The following HEATR4 variants were observed in gnomAD, a reference collection of about 807,000 sequenced individuals.
HEATR4 encodes the protein HEAT repeat containing 4, also known as HEAT repeat-containing protein 4.
In HEATR4, 95 loss-of-function variants were observed where a neutral mutation model predicts 108.8. The ratio of observed to expected loss-of-function variants is 0.87; its 90% CI spans 0.74 to 1.04. The LOEUF (loss-of-function observed/expected upper bound fraction) is 1.04. Among genes scored for constraint, HEATR4 ranks in the 50% least tolerant of loss-of-function variants. HEATR4 has a pLI of 0.00. For missense variants in HEATR4, 1,152 were observed against 1,253.8 expected, an observed-to-expected ratio of 0.92 and a Z score of 1.23; for synonymous variants, 443 against 459.4, an observed-to-expected ratio of 0.96 and a Z score of 0.46.
chr14:73,522,307 C>G lies in HEATR4; in HGVS notation c.846G>C (p.Lys282Asn), dbSNP rs372011420. The G allele has an allele frequency of 3.5e-5, 56 of 1,613,886 alleles. No individual in the cohort carries two copies. The highest frequency in any genetic ancestry group is 4.0e-5 in the Non-Finnish European group (47 of 1,180,040). ...CGGGAAGCAGCAGTTCTGGCTTCTT[C>G]TTTTCCTGTGGGGGCAGGATGACAC... ...DQSVILPPQE[K>N]KKPELLLPVY... is the part of the protein sequence containing the mutation. The change falls in exon 3 of 18, where the codon AAG becomes AAC. Residue 282 changes from lysine (K) to asparagine (N), a missense_variant. Physicochemically the swap from Lys to Asn is moderately conservative, Grantham distance 94 (BLOSUM62 0). Transcript: ENST00000553558.
At chr14:73,600,513 G>A in the HEATR4 span, among the ~76,000 whole-genome samples, 2 of 151,890 alleles carry the variant, frequency 1.3e-5, no homozygotes, top group East Asian at 3.9e-4. Context: ...GTGCAATGGC[G>A]TGATCTCAGC....
At chr14:73,615,025 G>A in the HEATR4 span, among the ~76,000 whole-genome samples, 7 of 148,206 alleles carry the variant, frequency 4.7e-5, no homozygotes, top group African/African-American at 1.3e-4. Flanking sequence ...GGGGGCAGAG[G>A]TTGCAGTGAG....
chr14:73,588,094 T>G, the HEATR4 span, among the ~76,000 whole-genome samples: 2 of 151,820 alleles, frequency 1.3e-5, no homozygotes, highest in Non-Finnish European at 2.9e-5. Context: ...CTCTGCCTCC[T>G]GGGTTCAAGC....
chr14:73,493,053 T>C lies in HEATR4; in HGVS notation c.2844+13A>G, dbSNP rs1885888804. ...GTTCTTACCTTGATAAGCATCAGTG[T>C]GCTCACATTTACCTTTATCACTGCT... On this transcript the variant is annotated intron_variant, in intron 17 of 17. Coordinates refer to ENST00000553558, the MANE Select transcript of HEATR4 (RefSeq NM_001220484.1). 6.2e-7 allele frequency: 1 copy of C among 1,611,020 alleles called. No individual in the cohort carries two copies. The highest frequency in any genetic ancestry group is 8.5e-7 in the Non-Finnish European group (1 of 1,178,468).
the HEATR4 span, chr14:73,573,694 C>G: frequency 7.6e-7 from 1 of 1,309,284 alleles, no homozygotes; most frequent in Non-Finnish European, 1.1e-6. Flanking sequence ...CATTCCCTAC[C>G]CCAACACACA....
chr14:73,482,121 C>T (rs560183822), intron 17 of HEATR4, among the ~76,000 whole-genome samples: 2 of 152,280 alleles, frequency 1.3e-5, no homozygotes, highest in South Asian at 2.1e-4. Flanking sequence ...CACACTGGCT[C>T]ACGCCTGTAA....
chr14:73,512,254 G>T, intron 6 of HEATR4, 105 bp from the exon 7 acceptor site: 1 of 1,284,752 alleles, frequency 7.8e-7, no homozygotes, highest in Non-Finnish European at 1.1e-6. Context: ...AATAATTCAA[G>T]CAAAACATTA....
the HEATR4 span, among the ~76,000 whole-genome samples, chr14:73,590,084 G>A: frequency 8.5e-5 from 13 of 152,262 alleles, no homozygotes; most frequent in South Asian, 4.1e-4. Context: ...TTCCCGCAAC[G>A]TAGAAAAGAA....
chr14:73,506,804 G>GTTTTTTTTTTTTTTTTTTTT (rs34660727), intron 9 of HEATR4, among the ~76,000 whole-genome samples: 923 of 80,468 alleles, frequency 0.011, 162 homozygotes, highest in Middle Eastern at 0.042. Flanking sequence ...GACTTTAACT[G>GTTTTTTTTTTTTTTTTTTTT]TTTTTTTTTT....
intron 17 of HEATR4, among the ~76,000 whole-genome samples, chr14:73,480,484 A>T (rs1460525642): frequency 1.3e-5 from 2 of 152,088 alleles, no homozygotes; most frequent in African/African-American, 4.8e-5. Context: ...ATATTATTTT[A>T]ATTTTAATTT....
At chr14:73,613,330 T>C in the HEATR4 span, among the ~76,000 whole-genome samples, 1 of 152,168 alleles carries the variant, frequency 6.6e-6, no homozygotes, top group African/African-American at 2.4e-5. Flanking sequence ...ACTTTAGCTA[T>C]GTGCTGAATA....
the HEATR4 span, among the ~76,000 whole-genome samples, chr14:73,564,666 AAC>A: frequency 2.0e-5 from 3 of 151,626 alleles, no homozygotes; most frequent in Non-Finnish European, 2.9e-5. Flanking sequence ...CTCAAGAAAC[AAC>A]AGTTTGAAAT....
chr14:73,620,895 C>T, the HEATR4 span, among the ~76,000 whole-genome samples: 1 of 151,610 alleles, frequency 6.6e-6, no homozygotes, highest in Non-Finnish European at 1.5e-5. Flanking sequence ...ATACACATTG[C>T]TGAACATTTA....
chr14:73,579,032 C>T, the HEATR4 span, among the ~76,000 whole-genome samples: 1 of 148,424 alleles, frequency 6.7e-6, no homozygotes, highest in South Asian at 2.1e-4. Context: ...TTGCAGTGAG[C>T]TGAAATCACA....
Position 73,542,286 on chromosome 14 carries a change from C to T in HEATR4, c.-151-12042G>A, listed in dbSNP as rs1402570849. On this transcript the variant is annotated intron_variant, in intron 1 of 17. Transcript: ENST00000553558. The stretch of plus-strand genomic sequence containing the variant: ...GTGCTGGAATTACAGGCATGAGCCA[C>T]CACACCTGGCCTCTTATAGACAGTT... 1.8e-5 allele frequency among the ~76,000 whole-genome samples: 2 copies of T among 111,012 alleles called. 1 individual carries two copies. The highest frequency in any genetic ancestry group is 2.0e-4 in the Admixed American group (2 of 9,886). The allele number at this position is 111,012 out of a possible 152,430, so 72.8% of individuals were successfully genotyped here. A position where few individuals can be genotyped will look rare whatever the true frequency, so the allele number is the denominator to read the frequency against.
chr14:73,496,715 C>T (rs558712961), intron 14 of HEATR4, 36 bp from the exon 15 acceptor site: 1 of 1,168,480 alleles, frequency 8.6e-7, no homozygotes, highest in Admixed American at 1.8e-5. Context: ...ATTATTCTAC[C>T]CTGCCCTTTA....
Position 73,544,978 on chromosome 14 carries a change from A to G in HEATR4, c.-152+13773T>C, listed in dbSNP as rs1217013511. ...AATATTTATATCACTTGATATAAAT[A>G]GTTACACAATAAACTTGATTTTTTC... On this transcript the variant is annotated intron_variant, in intron 1 of 17. Transcript: ENST00000553558. Among the ~76,000 whole-genome samples, 2 of 114,260 alleles carry G rather than the reference A, an allele frequency of 1.8e-5. 1 individual carries two copies. The highest frequency in any genetic ancestry group is 3.8e-5 in the Non-Finnish European group (2 of 52,484). 75.0% of individuals were successfully genotyped at this position (114,260 alleles called of 152,430 possible).
At chr14:73,588,696 A>G in the HEATR4 span, among the ~76,000 whole-genome samples, 1 of 152,236 alleles carries the variant, frequency 6.6e-6, no homozygotes, top group African/African-American at 2.4e-5. Flanking sequence ...GACAGAAAGA[A>G]GAGGTTCCTG....
At chr14:73,616,733 A>T in the HEATR4 span, 1 of 319,844 alleles carries the variant, frequency 3.1e-6, no homozygotes, top group Non-Finnish European at 5.6e-6. Context: ...TTTGGTGTAC[A>T]GGTGGTTTGG....
Sources: gnomAD v4.1 joint callset for allele counts (sites outside exome capture counted in the v4.1 genomes callset) on GRCh38, gnomAD v4.1.1 for gene constraint, MANE v1.5 for transcripts, NCBI Gene and HGNC (gene_info 2026-07-23, HGNC 2026-07-21) for gene names.